DLG2: variants seen among roughly 807,000 people sequenced by gnomAD.
DLG2 encodes discs large MAGUK scaffold protein 2, also known as disks large homolog 2.
DLG2 carries 45 observed loss-of-function variants against 132.5 expected under a neutral mutation model. The observed-to-expected ratio is 0.34, with a 90% CI of 0.27 to 0.44. The LOEUF (loss-of-function observed/expected upper bound fraction) is 0.44. Among genes scored for constraint, DLG2 ranks in the 20% least tolerant of loss-of-function variants. DLG2 has a pLI of 1.00. For missense variants in DLG2, 1,045 were observed against 1,196.9 expected, an observed-to-expected ratio of 0.87 and a Z score of 1.87; for synonymous variants, 424 against 419.6, an observed-to-expected ratio of 1.01 and a Z score of -0.13.
chr11:84,827,676 CAAAAAAAAAAAA>C (rs398016953), intron 6 of DLG2, among the ~76,000 whole-genome samples: 144 of 35,108 alleles, frequency 4.1e-3, no homozygotes, highest in African/African-American at 0.019. Context: ...TACATACAGT[CAAAAAAAAAAAA>C]AAAAAAAAAA....
chr11:83,669,056 A>G (rs963617489), intron 18 of DLG2, among the ~76,000 whole-genome samples: 8 of 151,964 alleles, frequency 5.3e-5, no homozygotes, highest in African/African-American at 1.7e-4. Context: ...AAAATGCTCT[A>G]TTGGAATATT....
At chr11:85,412,760 C>CACACACACACACATAT (rs756868795) in intron 3 of DLG2, among the ~76,000 whole-genome samples, 48 of 113,232 alleles carry the variant, frequency 4.2e-4, no homozygotes, top group Non-Finnish European at 6.6e-4. Context: ...CACACACACA[C>CACACACACACACATAT]ATATATATAT....
intron 5 of DLG2, among the ~76,000 whole-genome samples, chr11:85,138,448 A>G (rs955700293): frequency 6.6e-6 from 1 of 152,212 alleles, no homozygotes; most frequent in African/African-American, 2.4e-5. Context: ...CTAAAAAGCT[A>G]TAATGGTCAA....
intron 6 of DLG2, among the ~76,000 whole-genome samples, chr11:84,611,024 T>TACAC (rs10587472): frequency 0.18 from 24,328 of 137,928 alleles, 2,175 homozygotes; most frequent in South Asian, 0.24. Context: ...TTAGATGACA[T>TACAC]ACACACACAC....
intron 6 of DLG2, among the ~76,000 whole-genome samples, chr11:84,657,965 A>AAAGATG (rs1260366423): frequency 6.6e-6 from 1 of 152,182 alleles, no homozygotes; most frequent in Non-Finnish European, 1.5e-5. Flanking sequence ...CATATATAAT[A>AAAGATG]AAGATGACAT....
intron 2 of DLG2, among the ~76,000 whole-genome samples, chr11:85,620,308 C>G (rs2081610959): frequency 6.6e-6 from 1 of 152,222 alleles, no homozygotes; most frequent in Non-Finnish European, 1.5e-5. Flanking sequence ...CCCCATCTCT[C>G]TCCCTCTCCT....
At chr11:85,278,730 A>G (rs761592832) in intron 4 of DLG2, among the ~76,000 whole-genome samples, 1 of 152,208 alleles carries the variant, frequency 6.6e-6, no homozygotes, top group Non-Finnish European at 1.5e-5. Context: ...CATTACACAA[A>G]GCCCATTTCT....
In DLG2 at chr11:83,480,509, A is replaced by G. The variant is rs903150511; in HGVS notation, c.2293+3620T>C. 2.2e-5 allele frequency: 33 copies of G among 1,497,040 alleles called. No individual in the cohort carries two copies. The African/African-American group carries it at 4.5e-4, about 20-fold the overall frequency. The allele number at this position is 1,497,040 out of a possible 1,614,324, so 92.7% of individuals were successfully genotyped here. A position where few individuals can be genotyped will look rare whatever the true frequency, so the allele number is the denominator to read the frequency against. On this transcript the variant is annotated intron_variant, in intron 22 of 27. Coordinates refer to ENST00000376104, the MANE Select transcript of DLG2 (RefSeq NM_001142699.3). ...CTCATGCAAGGCTACCAGAAATGTG[A>G]GCGAAAGGCAAGTAAAAGCCGCAGA...
chr11:85,308,153 C>CA (rs1231503062), intron 3 of DLG2, among the ~76,000 whole-genome samples: 1 of 22,146 alleles, frequency 4.5e-5, no homozygotes, highest in African/African-American at 1.8e-4. Flanking sequence ...GACTCTGTCT[C>CA]AAAAAATAAA....
chr11:85,313,626 T>C (rs753917942), intron 3 of DLG2, among the ~76,000 whole-genome samples: 8 of 152,062 alleles, frequency 5.3e-5, no homozygotes, highest in Non-Finnish European at 8.8e-5. Flanking sequence ...AGAAAACTAT[T>C]TAAAAACTTA....
At chr11:85,265,679 A>T (rs1476187554) in intron 4 of DLG2, among the ~76,000 whole-genome samples, 1 of 152,156 alleles carries the variant, frequency 6.6e-6, no homozygotes, top group African/African-American at 2.4e-5. Context: ...CTTTTTACCA[A>T]TCAAATGTTG....
rs538857780 is a variant in DLG2, at chr11:83,999,349, C to G, written c.920-18707G>C. On this transcript the variant is annotated intron_variant, in intron 11 of 27. Coordinates refer to ENST00000376104, the MANE Select transcript of DLG2 (RefSeq NM_001142699.3). ...GCTGGCACCTACCTGCATGTACCAC[C>G]TGTGGGCCTGGAGACTGGCTAGCCC... 2.6e-5 allele frequency among the ~76,000 whole-genome samples: 4 copies of G among 152,272 alleles called. No homozygotes were observed. In the South Asian group the frequency reaches 8.3e-4, roughly 32 times the overall value.
At chr11:85,106,179 A>AT (rs11414477) in intron 6 of DLG2, among the ~76,000 whole-genome samples, 102,084 of 151,566 alleles carry the variant, frequency 0.67, 35,194 homozygotes, top group East Asian at 0.93. Flanking sequence ...GTTTTTACTG[A>AT]TTCCCATAAA....
intron 6 of DLG2, among the ~76,000 whole-genome samples, chr11:84,868,716 T>C (rs894987362): frequency 3.3e-5 from 5 of 152,142 alleles, no homozygotes; most frequent in Non-Finnish European, 5.9e-5. Context: ...GTAGGATTCA[T>C]TCACAGAAGA....
rs201205842 is a variant in DLG2 at position 83,487,307 on chromosome 11, T to TAAAG, written c.2194-3083_2194-3080dup. ...ACCTAAAATGTTGAGTTCTAACTATTAAAGATGATAAAACAATAACTAACA... is the reference window on the plus strand; with the variant it reads ...ACCTAAAATGTTGAGTTCTAACTATTAAAGAAAGATGATAAAACAATAACTAACA... On this transcript the variant is annotated intron_variant, in intron 21 of 27. Transcript: ENST00000376104. 8.4e-3 allele frequency among the ~76,000 whole-genome samples: 1,112 copies of TAAAG among 131,750 alleles called. 9 individuals are homozygous for TAAAG. Among genetic ancestry groups the TAAAG allele is most frequent in the African/African-American group, 0.03 (1,003 of 33,158 alleles). The allele number at this position is 131,750 out of a possible 152,430, so 86.4% of individuals were successfully genotyped here.
At chr11:85,341,685 C>A (rs2082514100) in intron 3 of DLG2, among the ~76,000 whole-genome samples, 1 of 152,072 alleles carries the variant, frequency 6.6e-6, no homozygotes, top group South Asian at 2.1e-4. Flanking sequence ...GACAAAAGTA[C>A]AATCATGCAT....
chr11:83,859,848 C>A (rs2061161797), intron 16 of DLG2, among the ~76,000 whole-genome samples: 1 of 152,130 alleles, frequency 6.6e-6, no homozygotes, highest in South Asian at 2.1e-4. Flanking sequence ...GGCCCAGGGT[C>A]CCTCTTCCGT....
intron 19 of DLG2, among the ~76,000 whole-genome samples, chr11:83,562,527 G>C (rs1261839660): frequency 6.6e-6 from 1 of 152,088 alleles, no homozygotes; most frequent in Non-Finnish European, 1.5e-5. Flanking sequence ...GAAATACAAG[G>C]CTATAATTGA....
At chr11:84,774,637 C>T (rs2070095329) in intron 6 of DLG2, among the ~76,000 whole-genome samples, 1 of 152,050 alleles carries the variant, frequency 6.6e-6, no homozygotes, top group Non-Finnish European at 1.5e-5. Context: ...AGAAATAAAG[C>T]TGCACAACTA....
Sources: gnomAD v4.1 joint callset for allele counts (sites outside exome capture counted in the v4.1 genomes callset) on GRCh38, gnomAD v4.1.1 for gene constraint, MANE v1.5 for transcripts, NCBI Gene and HGNC (gene_info 2026-07-23, HGNC 2026-07-21) for gene names.